The following AOPEP variants were observed in gnomAD, a reference collection of about 807,000 sequenced individuals.
AOPEP encodes aminopeptidase O.
In AOPEP, 77 loss-of-function variants were observed where a neutral mutation model predicts 98.1. That is an observed-to-expected ratio of 0.78 (90% CI 0.65 to 0.95). The LOEUF (loss-of-function observed/expected upper bound fraction) is 0.95. AOPEP is among the 40% of genes least tolerant of loss of function. The probability of loss-of-function intolerance (pLI) is 0.00; values close to 1 mark genes in which losing one functional copy is unlikely to be tolerated. For missense variants in AOPEP, 1,024 were observed against 1,024.7 expected, an observed-to-expected ratio of 1.00 and a Z score of 0.01; for synonymous variants, 346 against 365.3, an observed-to-expected ratio of 0.95 and a Z score of 0.60.
the AOPEP span, among the ~76,000 whole-genome samples, chr9:95,119,603 A>G: frequency 6.6e-6 from 1 of 152,048 alleles, no homozygotes; most frequent in Non-Finnish European, 1.5e-5. Context: ...TGAACTCGTG[A>G]TCCACCCACC....
Position 94,875,287 on chromosome 9 carries a change from A to G in AOPEP, c.1365-48699A>G, listed in dbSNP as rs76293605. Among the ~76,000 whole-genome samples the G allele has an allele frequency of 6.5e-3, 923 of 141,676 alleles. 8 individuals are homozygous for G. Among genetic ancestry groups the G allele is most frequent in the African/African-American group, 0.023 (881 of 38,692 alleles). The allele number at this position is 141,676 out of a possible 152,430, so 92.9% of individuals were successfully genotyped here. A position where few individuals can be genotyped will look rare whatever the true frequency, so the allele number is the denominator to read the frequency against. ...AAAGAATGGTATGAAAGTACTGTTT[A>G]TATGTCTTGTTAAAATAAAAACTTA... On this transcript the variant is annotated intron_variant, in intron 5 of 16. Coordinates refer to ENST00000375315, the MANE Select transcript of AOPEP (RefSeq NM_001193329.3).
chr9:94,782,065 C>T (rs957238383), intron 3 of AOPEP, among the ~76,000 whole-genome samples: 28 of 151,404 alleles, frequency 1.8e-4, no homozygotes, highest in African/African-American at 5.8e-4. Context: ...TGGTGGCAGG[C>T]GCGTGTAATC....
At chr9:94,868,147 A>G (rs753576645) in intron 5 of AOPEP, among the ~76,000 whole-genome samples, 2 of 152,198 alleles carry the variant, frequency 1.3e-5, no homozygotes, top group Non-Finnish European at 2.9e-5. Flanking sequence ...CAAAATTACT[A>G]ATTCCTAGGC....
At chr9:94,869,144 C>T (rs55941337) in intron 5 of AOPEP, among the ~76,000 whole-genome samples, 5,123 of 152,162 alleles carry the variant, frequency 0.034, 234 homozygotes, top group African/African-American at 0.099. Context: ...CAAGATAATC[C>T]CTGGAACCTG....
chr9:94,905,262 C>T (rs911749453), intron 5 of AOPEP, among the ~76,000 whole-genome samples: 1 of 152,070 alleles, frequency 6.6e-6, no homozygotes, highest in African/African-American at 2.4e-5. Flanking sequence ...GAATGAGTTT[C>T]GTTCATCTCA....
intron 13 of AOPEP, among the ~76,000 whole-genome samples, chr9:95,018,073 T>G (rs151167661): frequency 6.6e-6 from 1 of 152,360 alleles, no homozygotes; most frequent in African/African-American, 2.4e-5. Flanking sequence ...TTGGCTATTA[T>G]GAATAACCCA....
the AOPEP span, chr9:95,101,790 T>C: frequency 6.2e-7 from 1 of 1,614,172 alleles, no homozygotes; most frequent in African/African-American, 1.3e-5. Flanking sequence ...CGATTCCATC[T>C]GTACAAGGTC....
At chr9:95,063,886 C>T (rs923394738) in intron 14 of AOPEP, among the ~76,000 whole-genome samples, 2 of 149,728 alleles carry the variant, frequency 1.3e-5, no homozygotes, top group African/African-American at 4.9e-5. Context: ...TTCCTGCTGA[C>T]TGACTACAGC....
chr9:95,092,755 C>T, the AOPEP span, among the ~76,000 whole-genome samples: 2 of 152,292 alleles, frequency 1.3e-5, no homozygotes, highest in South Asian at 4.1e-4. Context: ...TTCCTTTCTG[C>T]TCTCATAGTC....
chr9:95,102,792 G>A, the AOPEP span, among the ~76,000 whole-genome samples: 1 of 152,212 alleles, frequency 6.6e-6, no homozygotes, highest in East Asian at 1.9e-4. Flanking sequence ...TGTCGCATGC[G>A]CACTGTGTGA....
In AOPEP at chr9:94,837,479, T is replaced by A. The variant is rs72746580; in HGVS notation, c.1364+36477T>A. Among the ~76,000 whole-genome samples the A allele has an allele frequency of 4.5e-3, 680 of 152,250 alleles. 2 individuals carry two copies. Among genetic ancestry groups the A allele is most frequent in the Non-Finnish European group, 8.3e-3 (566 of 68,020 alleles). On this transcript the variant is annotated intron_variant, in intron 5 of 16. Coordinates refer to ENST00000375315, the MANE Select transcript of AOPEP (RefSeq NM_001193329.3). ...AAAGATATTGATCTGTAGTTCAGTA[T>A]CCCTGATGAACATAGATAGAAAAAT...
chr9:94,872,482 G>T (rs1360608976), intron 5 of AOPEP, among the ~76,000 whole-genome samples: 1 of 152,092 alleles, frequency 6.6e-6, no homozygotes, highest in Non-Finnish European at 1.5e-5. Flanking sequence ...CATGATTCTG[G>T]ATCATTAACT....
At chr9:95,030,327 T>C (rs1254128201) in intron 13 of AOPEP, among the ~76,000 whole-genome samples, 1 of 152,268 alleles carries the variant, frequency 6.6e-6, no homozygotes, top group Non-Finnish European at 1.5e-5. Context: ...TCATGCAGGC[T>C]ACTTTTTAAA....
intron 5 of AOPEP, among the ~76,000 whole-genome samples, chr9:94,825,089 A>G (rs918991826): frequency 7.2e-5 from 11 of 152,178 alleles, no homozygotes; most frequent in Non-Finnish European, 1.5e-4. Context: ...AGAGATGGCC[A>G]GGGGAGCACA....
At chr9:94,766,674 T>C (rs984524931) in intron 2 of AOPEP, among the ~76,000 whole-genome samples, 1 of 152,238 alleles carries the variant, frequency 6.6e-6, no homozygotes, top group African/African-American at 2.4e-5. Flanking sequence ...TGAATTTGAA[T>C]TGAATGGAGG....
chr9:95,016,553 T>C (rs1303392500), intron 13 of AOPEP, among the ~76,000 whole-genome samples: 2 of 151,958 alleles, frequency 1.3e-5, no homozygotes, highest in African/African-American at 4.8e-5. Context: ...CTTTTGTGAT[T>C]TTTGAATGTT....
At chr9:94,862,830 A>G (rs1008017744) in intron 5 of AOPEP, among the ~76,000 whole-genome samples, 3 of 152,064 alleles carry the variant, frequency 2.0e-5, no homozygotes, top group African/African-American at 7.2e-5. Flanking sequence ...CTAACTTCCT[A>G]AGGACAAGAA....
At chr9:94,729,653 C>T (rs1354932014) in intron 1 of AOPEP, among the ~76,000 whole-genome samples, 1 of 151,760 alleles carries the variant, frequency 6.6e-6, no homozygotes, top group Non-Finnish European at 1.5e-5. Flanking sequence ...TAATTCTCTG[C>T]TGTGGGGGGC....
At chr9:94,906,728 C>G (rs983437339) in intron 5 of AOPEP, among the ~76,000 whole-genome samples, 3 of 152,170 alleles carry the variant, frequency 2.0e-5, no homozygotes, top group African/African-American at 7.2e-5. Context: ...TGTGACCTCC[C>G]TAAGGACCCC....
Sources: allele counts gnomAD v4.1 joint callset (sites outside exome capture counted in the v4.1 genomes callset), GRCh38; gene constraint gnomAD v4.1.1; transcripts MANE v1.5; gene names NCBI Gene and HGNC (gene_info 2026-07-23, HGNC 2026-07-21).